The following KCNIP1 variants were observed in gnomAD, a reference collection of about 807,000 sequenced individuals.
KCNIP1 encodes the protein A-type potassium channel modulatory protein KCNIP1.
A neutral mutation model predicts 33.0 loss-of-function variants in KCNIP1; 18 were observed. The observed-to-expected ratio is 0.55, with a 90% CI of 0.38 to 0.81. The LOEUF (loss-of-function observed/expected upper bound fraction) is 0.81, where lower values mean the gene tolerates loss of function less well. Among genes scored for constraint, KCNIP1 ranks in the 30% least tolerant of loss-of-function variants. The pLI is 0.00. For synonymous variants in KCNIP1, 93 were observed against 98.3 expected, an observed-to-expected ratio of 0.95 and a Z score of 0.32; for missense variants, 238 against 271.6, an observed-to-expected ratio of 0.88 and a Z score of 0.87.
chr5:170,431,669 C>A (rs987458102), intron 1 of KCNIP1, among the ~76,000 whole-genome samples: 1 of 152,230 alleles, frequency 6.6e-6, no homozygotes, highest in African/African-American at 2.4e-5. Context: ...CTCAGCCAAG[C>A]CCACGGGGGC....
intron 1 of KCNIP1, among the ~76,000 whole-genome samples, chr5:170,617,138 C>T (rs1183438759): frequency 2.2e-5 from 2 of 91,758 alleles, no homozygotes; most frequent in African/African-American, 4.3e-5. Context: ...AAAATAGGAA[C>T]ACAGGGTCCC....
chr5:170,530,470 G>A (rs958665396), intron 1 of KCNIP1, among the ~76,000 whole-genome samples: 1 of 152,148 alleles, frequency 6.6e-6, no homozygotes, highest in Non-Finnish European at 1.5e-5. Context: ...TAATGTATCC[G>A]GACTGCAAGG....
intron 1 of KCNIP1, among the ~76,000 whole-genome samples, chr5:170,553,630 G>T (rs542138482): frequency 6.6e-6 from 1 of 152,328 alleles, no homozygotes; most frequent in South Asian, 2.1e-4. Context: ...TGGCACAATT[G>T]TCATCCTGGG....
chr5:170,602,958 A>C (rs1181642847), intron 1 of KCNIP1, among the ~76,000 whole-genome samples: 3 of 152,198 alleles, frequency 2.0e-5, no homozygotes, highest in Non-Finnish European at 2.9e-5. Context: ...CCTGGCCCCG[A>C]GTGAGCCAGC....
intron 1 of KCNIP1, chr5:170,420,477 G>C (rs1425397530): frequency 6.7e-6 from 1 of 149,174 alleles, no homozygotes; most frequent in Non-Finnish European, 1.5e-5. Context: ...AGTTTGCAGT[G>C]AGCCAAAATC....
intron 1 of KCNIP1, among the ~76,000 whole-genome samples, chr5:170,456,701 TTTTC>T (rs147202327): frequency 0.021 from 2,804 of 135,758 alleles, 54 homozygotes; most frequent in Middle Eastern, 0.075. Context: ...CTCTCTCTCT[TTTTC>T]TTTCTTTCTT....
intron 1 of KCNIP1, among the ~76,000 whole-genome samples, chr5:170,528,229 C>T (rs1755651995): frequency 6.6e-6 from 1 of 152,208 alleles, no homozygotes; most frequent in Non-Finnish European, 1.5e-5. Flanking sequence ...TCCCTCTCGC[C>T]TCTCCCATTC....
At chr5:170,611,409 A>G (rs558687844) in intron 1 of KCNIP1, among the ~76,000 whole-genome samples, 1 of 152,348 alleles carries the variant, frequency 6.6e-6, no homozygotes, top group South Asian at 2.1e-4. Flanking sequence ...AATTCCCATG[A>G]AAAGTACCAC....
chr5:170,622,561 G>T (rs1334641239), intron 1 of KCNIP1, among the ~76,000 whole-genome samples: 1 of 151,198 alleles, frequency 6.6e-6, no homozygotes, highest in African/African-American at 2.4e-5. Context: ...GGCAGAGGTT[G>T]CAGTGAGCCG....
At chr5:170,604,097 C>T (rs1028415422) in intron 1 of KCNIP1, among the ~76,000 whole-genome samples, 8 of 152,052 alleles carry the variant, frequency 5.3e-5, no homozygotes, top group African/African-American at 1.9e-4. Context: ...GGTGACGGCC[C>T]GGTGGTGGGA....
chr5:170,608,460 G>A (rs10035744), intron 1 of KCNIP1, among the ~76,000 whole-genome samples: 3,406 of 152,272 alleles, frequency 0.022, 136 homozygotes, highest in African/African-American at 0.076. Context: ...TGACTGACTC[G>A]TGATGAAGAT....
chr5:170,721,695 C>T, intron 3 of KCNIP1, 138 bp from the exon 4 acceptor site: 3 of 1,586,540 alleles, frequency 1.9e-6, no homozygotes, highest in Non-Finnish European at 2.6e-6. Context: ...GTCAATGGGC[C>T]CCACTCCATA....
chr5:170,608,498 G>A (rs774949310), intron 1 of KCNIP1, among the ~76,000 whole-genome samples: 8 of 152,234 alleles, frequency 5.3e-5, no homozygotes, highest in African/African-American at 1.9e-4. Flanking sequence ...AAGGCTGGGC[G>A]CAGTGGCTCA....
At chr5:170,665,334 T>A (rs1761663277) in intron 1 of KCNIP1, among the ~76,000 whole-genome samples, 1 of 146,462 alleles carries the variant, frequency 6.8e-6, no homozygotes, top group Non-Finnish European at 1.5e-5. Context: ...AAATCTGGAT[T>A]TTTTTTTTCT....
At chr5:170,631,004 G>C (rs892421959) in intron 1 of KCNIP1, among the ~76,000 whole-genome samples, 1 of 152,192 alleles carries the variant, frequency 6.6e-6, no homozygotes, top group Non-Finnish European at 1.5e-5. Context: ...TTAGGAATAA[G>C]GGTACGAGGC....
At chr5:170,400,752 T>C (rs314137) in intron 1 of KCNIP1, among the ~76,000 whole-genome samples, 88,817 of 152,068 alleles carry the variant, frequency 0.58, 26,367 homozygotes, top group African/African-American at 0.68. Context: ...ATGATGTTAG[T>C]ACCTTAGAGC....
At chr5:170,630,239 A>G (rs1398030011) in intron 1 of KCNIP1, among the ~76,000 whole-genome samples, 1 of 152,248 alleles carries the variant, frequency 6.6e-6, no homozygotes, top group African/African-American at 2.4e-5. Context: ...AAACTCAATC[A>G]ATATTTACTT....
chr5:170,523,075 A>G (rs1755425225), intron 1 of KCNIP1, among the ~76,000 whole-genome samples: 1 of 152,220 alleles, frequency 6.6e-6, no homozygotes, highest in South Asian at 2.1e-4. Flanking sequence ...TAGGTCATAA[A>G]TAGGGCTGTG....
intron 1 of KCNIP1, among the ~76,000 whole-genome samples, chr5:170,387,222 G>A (rs531962036): frequency 6.6e-6 from 1 of 152,106 alleles, no homozygotes; most frequent in African/African-American, 2.4e-5. Context: ...CAGATATCAG[G>A]GGGACTTTAT....
Sources: allele counts gnomAD v4.1 joint callset (sites outside exome capture counted in the v4.1 genomes callset), GRCh38; gene constraint gnomAD v4.1.1; transcripts MANE v1.5; gene names NCBI Gene and HGNC (gene_info 2026-07-23, HGNC 2026-07-21).